GLRX2: variants seen among roughly 807,000 people sequenced by gnomAD.
The protein encoded by GLRX2 is glutaredoxin 2.
A neutral mutation model predicts 16.4 loss-of-function variants in GLRX2; 12 were observed. That is an observed-to-expected ratio of 0.73 (90% CI 0.47 to 1.19). The LOEUF (loss-of-function observed/expected upper bound fraction) is 1.19. GLRX2 is among the 50% of genes most tolerant of loss of function. GLRX2 has a pLI of 0.00. For missense variants in GLRX2, 201 were observed against 201.8 expected (o/e 1.00, Z 0.02); for synonymous variants, 95 against 76.2 (o/e 1.25, Z -1.28).
At chr1:193,104,056 C>T (rs992028104) in intron 1 of GLRX2, among the ~76,000 whole-genome samples, 2 of 152,174 alleles carry the variant, frequency 1.3e-5, no homozygotes, top group Non-Finnish European at 2.9e-5. Flanking sequence ...TCAGGTCCAG[C>T]ACTTAAACTG....
At position 193,097,721 on chromosome 1, in the gene GLRX2, T is replaced by A. The variant is rs747488881; in HGVS notation, c.223A>T (p.Thr75Ser). Reference protein sequence around the residue: ...SDNCVVIFSKTSCSYCTMAKK... With the variant: ...SDNCVVIFSKSSCSYCTMAKK... ...GCCATTGTACAGTAAGAACAGGATG[T>A]TTTTGAGAAAATCACCACACAATTA... Residue 75 changes from threonine to serine, a missense_variant, in exon 3 of 4, where the codon ACA (threonine) becomes TCA (serine). Thr to Ser is a moderately conservative substitution (Grantham distance 58, BLOSUM62 1). Transcript: ENST00000367439. The A allele has an allele frequency of 6.3e-7, 1 of 1,596,686 alleles. No individual in the cohort carries two copies. Among genetic ancestry groups the A allele is most frequent in the Non-Finnish European group, 8.5e-7 (1 of 1,174,622 alleles).
At chr1:193,100,460 C>G (rs965124292) in intron 2 of GLRX2, among the ~76,000 whole-genome samples, 1 of 152,110 alleles carries the variant, frequency 6.6e-6, no homozygotes, top group Non-Finnish European at 1.5e-5. Flanking sequence ...GGCAACAGAG[C>G]GAGACGCTGC....
Position 193,097,671 on chromosome 1 carries a change from A to C in GLRX2, c.273T>G (p.Asn91Lys). The change falls in exon 3 of 4, where the codon AAT (asparagine) becomes AAG (lysine). Residue 91 changes from asparagine (N) to lysine (K), a missense_variant. Asn to Lys is a moderately conservative substitution (Grantham distance 94). Transcript: ENST00000367439. ...TMAKKLFHDMNVNYKVVELDL... is the reference protein window; with the variant it reads ...TMAKKLFHDMKVNYKVVELDL... ...CCAGTTCCACCACTTTATAGTTAAC[A>C]TTCATGTCATGGAAAAGCTTTTTTG... is the stretch of plus-strand genomic sequence containing the variant. 6.2e-7 allele frequency: 1 copy of C among 1,613,524 alleles called. No homozygotes were observed.
At chr1:193,101,104 A>C (rs1226931229) in intron 2 of GLRX2, 37 bp downstream of exon 2, 1 of 1,363,030 alleles carries the variant, frequency 7.3e-7, no homozygotes, top group East Asian at 2.3e-5. Context: ...CTTTTTCTAC[A>C]GAGGAAAGTT....
At chr1:193,097,803 C>T (rs1278576428) in intron 2 of GLRX2, 43 bp from the exon 3 acceptor site, 1 of 1,348,322 alleles carries the variant, frequency 7.4e-7, no homozygotes. Context: ...CTAGACATTA[C>T]CATTTGGAAA....
At chr1:193,097,809 G>T in intron 2 of GLRX2, 49 bp from the exon 3 acceptor site, 1 of 1,298,022 alleles carries the variant, frequency 7.7e-7, no homozygotes, top group Non-Finnish European at 1.0e-6. Context: ...ATTACCATTT[G>T]GAAATAAATT....
upstream of GLRX2, chr1:193,105,537 C>A: frequency 6.3e-7 from 1 of 1,576,512 alleles, no homozygotes; most frequent in Non-Finnish European, 8.6e-7. Flanking sequence ...CTGAGCGCGT[C>A]CTCCCAGGGC....
chr1:193,099,145 AATG>A (rs1675022424), intron 2 of GLRX2, among the ~76,000 whole-genome samples: 1 of 152,174 alleles, frequency 6.6e-6, no homozygotes, highest in Non-Finnish European at 1.5e-5. Flanking sequence ...CTCTCCATAT[AATG>A]ATGATATCAG....
chr1:193,102,308 T>G (rs1227942052), intron 1 of GLRX2, among the ~76,000 whole-genome samples: 4 of 152,132 alleles, frequency 2.6e-5, no homozygotes, highest in African/African-American at 9.7e-5. Context: ...TTGTTTAATT[T>G]TTGCAATAGT....
At position 193,102,577 on chromosome 1, in the gene GLRX2, TC is replaced by T. The variant is rs1282380142; in HGVS notation, c.120-1374del. 3.3e-5 allele frequency among the ~76,000 whole-genome samples: 5 copies of T among 152,180 alleles called. No individual in the cohort carries two copies. In the East Asian group the frequency reaches 9.6e-4, roughly 29 times the overall value. ...CATGTTGACCATGCTGGTCTCGAAC[TC>T]CTGACCTCATATGATCAACCTACCT... On this transcript the variant is annotated intron_variant, in intron 1 of 3. Transcript: ENST00000367439.
chr1:193,102,751 C>T (rs1675104869), intron 1 of GLRX2, among the ~76,000 whole-genome samples: 1 of 152,188 alleles, frequency 6.6e-6, no homozygotes, highest in Non-Finnish European at 1.5e-5. Context: ...AGTAGTCCCC[C>T]TTTATCCACG....
At position 193,101,044 on chromosome 1, in the gene GLRX2, A is replaced by C. The variant is rs35629623; in HGVS notation, c.183+97T>G. On this transcript the variant is annotated intron_variant, in intron 2 of 3. Coordinates refer to ENST00000367439, the MANE Select transcript of GLRX2 (RefSeq NM_197962.3). ...AATCTCTTAATTCATTTGCTAAACT[A>C]TCTCAAGTTTGGATATTGAATAAGC... 3.2e-3 allele frequency: 2,514 copies of C among 790,942 alleles called. 43 individuals carry two copies. In the African/African-American group the frequency reaches 0.036, roughly 11 times the overall value. 49.0% of individuals were successfully genotyped at this position (790,942 alleles called of 1,614,324 possible).
chr1:193,097,490 G>A lies in GLRX2; in HGVS notation c.360+94C>T, dbSNP rs1036162167. 3.3e-6 allele frequency: 3 copies of A among 920,164 alleles called. No homozygotes were observed. In the African/African-American group the frequency reaches 5.1e-5, roughly 16 times the overall value. The allele number at this position is 920,164 out of a possible 1,614,324, so 57.0% of individuals were successfully genotyped here. On this transcript the variant is annotated intron_variant, in intron 3 of 3. Coordinates refer to ENST00000367439, the MANE Select transcript of GLRX2 (RefSeq NM_197962.3). ...GCTGCTTTATCTATCCTCAGAGAAT[G>A]TCTGGCTCATTTTCCTAACACAAGG...
intron 1 of GLRX2, 126 bp downstream of exon 1, chr1:193,105,138 C>T: frequency 7.4e-7 from 1 of 1,353,122 alleles, no homozygotes; most frequent in South Asian, 1.6e-5. Context: ...TGACTCAGAG[C>T]CCACGCGCTA....
rs1046868332 is a variant in GLRX2, at chr1:193,101,047, T to C, written c.183+94A>G. The C allele has an allele frequency of 6.2e-6, 5 of 802,590 alleles. No individual in the cohort carries two copies. The African/African-American group carries it at 8.5e-5, about 14-fold the overall frequency. The allele number at this position is 802,590 out of a possible 1,614,324, so 49.7% of individuals were successfully genotyped here. On this transcript the variant is annotated intron_variant, in intron 2 of 3. Coordinates refer to ENST00000367439, the MANE Select transcript of GLRX2 (RefSeq NM_197962.3). ...CTCTTAATTCATTTGCTAAACTATCTCAAGTTTGGATATTGAATAAGCATA... is the reference window on the plus strand; with the variant it reads ...CTCTTAATTCATTTGCTAAACTATCCCAAGTTTGGATATTGAATAAGCATA...
chr1:193,105,238 G>C, intron 1 of GLRX2, 26 bp downstream of exon 1: 1 of 1,532,098 alleles, frequency 6.5e-7, no homozygotes, highest in Admixed American at 1.9e-5. Flanking sequence ...ACCACGCCGC[G>C]GCACTCCTGC....
In GLRX2 at chr1:193,105,403, G is replaced by T; in HGVS notation, c.-21C>A. The T allele has an allele frequency of 6.6e-7, 1 of 1,520,842 alleles. No individual in the cohort carries two copies. Among genetic ancestry groups the T allele is most frequent in the South Asian group, 1.2e-5 (1 of 81,698 alleles). The allele number at this position is 1,520,842 out of a possible 1,614,324, so 94.2% of individuals were successfully genotyped here. ...ATCATGGTCAGAGCCCGGATCTGCA[G>T]CGAGCTCTACTGCCGGACACCGCGG... On this transcript the variant is annotated 5_prime_UTR_variant, in exon 1 of 4. In the 5' UTR this introduces an upstream ATG that the reference lacks. Coordinates refer to ENST00000367439, the MANE Select transcript of GLRX2 (RefSeq NM_197962.3).
At chr1:193,101,031 C>G (rs1342540533) in intron 2 of GLRX2, 110 bp downstream of exon 2, 3 of 746,472 alleles carry the variant, frequency 4.0e-6, no homozygotes, top group East Asian at 5.2e-5. Context: ...TCTCTTAATT[C>G]ATTTGCTAAA....
intron 1 of GLRX2, among the ~76,000 whole-genome samples, chr1:193,102,676 T>C (rs1268624790): frequency 6.6e-6 from 1 of 152,168 alleles, no homozygotes; most frequent in East Asian, 1.9e-4. Flanking sequence ...TTATTTTAAG[T>C]GAATCCACTC....
Sources: allele counts gnomAD v4.1 joint callset (sites outside exome capture counted in the v4.1 genomes callset), GRCh38; gene constraint gnomAD v4.1.1; transcripts MANE v1.5; gene names NCBI Gene and HGNC (gene_info 2026-07-23, HGNC 2026-07-21).